Variants in CSMD1 observed in about 807,000 individuals in gnomAD.
CSMD1 encodes the protein CUB and sushi domain-containing protein 1.
In CSMD1, 213 loss-of-function variants were observed where a neutral mutation model predicts 417.5. That is an observed-to-expected ratio of 0.51 (90% confidence interval 0.46 to 0.57). The LOEUF (loss-of-function observed/expected upper bound fraction) is 0.57. CSMD1 is among the 20% of genes least tolerant of loss of function. The pLI is 0.00. For synonymous variants in CSMD1, 2,862 were observed against 1,736.8 expected (o/e 1.65, Z -16.11); for missense variants, 6,923 against 4,529.7 (o/e 1.53, Z -15.17).
At chr8:4,145,451 A>AT (rs748075500) in intron 3 of CSMD1, among the ~76,000 whole-genome samples, 1 of 151,170 alleles carries the variant, frequency 6.6e-6, no homozygotes, top group Non-Finnish European at 1.5e-5. Flanking sequence ...GTTACTATAT[A>AT]TTTTTTGTAT....
intron 10 of CSMD1, among the ~76,000 whole-genome samples, chr8:3,512,478 T>G (rs777718720): frequency 2.6e-5 from 4 of 151,980 alleles, no homozygotes; most frequent in Non-Finnish European, 5.9e-5. Context: ...AAGGATGCTG[T>G]AAGAGGCACT....
At chr8:4,561,933 C>T (rs150111462) in intron 2 of CSMD1, among the ~76,000 whole-genome samples, 3 of 152,080 alleles carry the variant, frequency 2.0e-5, no homozygotes. Context: ...AAAGGCCAGG[C>T]GTTTAGACAC....
At chr8:4,502,890 G>C (rs1310678289) in intron 2 of CSMD1, among the ~76,000 whole-genome samples, 1 of 152,076 alleles carries the variant, frequency 6.6e-6, no homozygotes, top group African/African-American at 2.4e-5. Context: ...TTGAAAAACA[G>C]ATCAACCAAT....
At chr8:3,532,652 C>G (rs1222122971) in intron 10 of CSMD1, among the ~76,000 whole-genome samples, 1 of 152,148 alleles carries the variant, frequency 6.6e-6, no homozygotes, top group Non-Finnish European at 1.5e-5. Flanking sequence ...TACTCTGAAA[C>G]TGATCTGCAA....
At chr8:3,282,515 A>G (rs960233240) in intron 26 of CSMD1, among the ~76,000 whole-genome samples, 2 of 148,984 alleles carry the variant, frequency 1.3e-5, no homozygotes, top group African/African-American at 4.9e-5. Context: ...TCTTGCCACC[A>G]TTTCAAAAGA....
intron 42 of CSMD1, among the ~76,000 whole-genome samples, chr8:3,112,619 G>A (rs545395311): frequency 2.6e-5 from 4 of 152,300 alleles, no homozygotes; most frequent in Admixed American, 2.6e-4. Context: ...CTGAGAGTGG[G>A]TTATGTACCA....
chr8:3,764,997 G>T (rs759527216), intron 5 of CSMD1, among the ~76,000 whole-genome samples: 1 of 151,712 alleles, frequency 6.6e-6, no homozygotes, highest in Admixed American at 6.6e-5. Flanking sequence ...TGCCCACTTC[G>T]GCCTCCCAAA....
intron 3 of CSMD1, among the ~76,000 whole-genome samples, chr8:4,192,251 T>G (rs1445976205): frequency 6.6e-6 from 1 of 152,170 alleles, no homozygotes; most frequent in Non-Finnish European, 1.5e-5. Flanking sequence ...TTCGTTAGGA[T>G]TATAAATTAG....
intron 3 of CSMD1, among the ~76,000 whole-genome samples, chr8:4,124,588 G>A (rs769868200): frequency 6.6e-6 from 1 of 152,138 alleles, no homozygotes; most frequent in Non-Finnish European, 1.5e-5. Flanking sequence ...ACCATCTGGG[G>A]TTTCCTGTGC....
chr8:3,755,499 G>T (rs892856856), intron 5 of CSMD1, among the ~76,000 whole-genome samples: 1 of 152,152 alleles, frequency 6.6e-6, no homozygotes, highest in African/African-American at 2.4e-5. Context: ...ATTGCTTTTA[G>T]CAGGAACTTG....
At chr8:3,983,341 A>T (rs1442863420) in intron 5 of CSMD1, among the ~76,000 whole-genome samples, 1 of 152,048 alleles carries the variant, frequency 6.6e-6, no homozygotes, top group East Asian at 1.9e-4. Context: ...CGTGTTGGCC[A>T]GGATGGTCTC....
At chr8:3,339,248 A>G (rs1033395584) in intron 23 of CSMD1, among the ~76,000 whole-genome samples, 4 of 151,948 alleles carry the variant, frequency 2.6e-5, no homozygotes, top group African/African-American at 4.8e-5. Flanking sequence ...TTTCTTTGGA[A>G]TGTCGTTTAT....
At chr8:4,432,984 T>C (rs939364202) in intron 2 of CSMD1, among the ~76,000 whole-genome samples, 1 of 152,102 alleles carries the variant, frequency 6.6e-6, no homozygotes, top group Admixed American at 6.5e-5. Flanking sequence ...TCCTGTCAGA[T>C]CAGTGGGAGC....
At chr8:3,092,155 C>G (rs1485109922) in intron 47 of CSMD1, among the ~76,000 whole-genome samples, 2 of 151,994 alleles carry the variant, frequency 1.3e-5, no homozygotes, top group Admixed American at 1.3e-4. Flanking sequence ...TATTCTAACA[C>G]TATTTCTCAT....
At chr8:2,971,557 A>G (rs759358428) in intron 57 of CSMD1, among the ~76,000 whole-genome samples, 3 of 152,200 alleles carry the variant, frequency 2.0e-5, no homozygotes, top group Non-Finnish European at 2.9e-5. Context: ...TCGGGAAGAT[A>G]GAACATCACC....
chr8:3,623,451 A>C (rs552327432), intron 7 of CSMD1, among the ~76,000 whole-genome samples: 1 of 152,382 alleles, frequency 6.6e-6, no homozygotes, highest in South Asian at 2.1e-4. Flanking sequence ...GACAGAGATT[A>C]GAAACAAATC....
At chr8:2,999,583 C>T (rs955518185) in intron 53 of CSMD1, among the ~76,000 whole-genome samples, 2 of 152,152 alleles carry the variant, frequency 1.3e-5, no homozygotes, top group African/African-American at 4.8e-5. Context: ...TGCAAAGCTG[C>T]CCAGCAGACC....
chr8:4,635,693 C>T lies in CSMD1; in HGVS notation c.302+1649G>A, dbSNP rs138500761. Among the ~76,000 whole-genome samples the T allele has an allele frequency of 2.4e-3, 363 of 152,094 alleles. 3 individuals are homozygous for T. The highest frequency in any genetic ancestry group is 8.5e-3 in the African/African-American group (354 of 41,524). Reference sequence around the variant, plus strand: ...ATTACCATTATAATACACTACTATACCCTAGTAGCGTTGATAATTGACAAC... The same window carrying T: ...ATTACCATTATAATACACTACTATATCCTAGTAGCGTTGATAATTGACAAC... On this transcript the variant is annotated intron_variant, in intron 2 of 69. Coordinates refer to ENST00000635120, the MANE Select transcript of CSMD1 (RefSeq NM_033225.6).
chr8:4,694,812 C>T (rs375395803), intron 1 of CSMD1, among the ~76,000 whole-genome samples: 2 of 152,094 alleles, frequency 1.3e-5, no homozygotes, highest in Non-Finnish European at 2.9e-5. Flanking sequence ...GCAAAATAAA[C>T]TTTCTAAATT....
Sources: gnomAD v4.1 joint callset for allele counts (sites outside exome capture counted in the v4.1 genomes callset) on GRCh38, gnomAD v4.1.1 for gene constraint, MANE v1.5 for transcripts, NCBI Gene and HGNC (gene_info 2026-07-23, HGNC 2026-07-21) for gene names.